The following MICALL1 variants were observed in gnomAD, a reference collection of about 807,000 sequenced individuals.
The protein encoded by MICALL1 is MICAL like 1.
In MICALL1, 61 loss-of-function variants were observed where a neutral mutation model predicts 83.7. The observed-to-expected ratio is 0.73, with a 90% CI of 0.59 to 0.90. The LOEUF is 0.90. Among genes scored for constraint, MICALL1 ranks in the 40% least tolerant of loss-of-function variants. MICALL1 has a pLI of 0.00. For missense variants in MICALL1, 1,066 were observed against 1,152.0 expected (o/e 0.93, Z 1.08); for synonymous variants, 481 against 473.6 (o/e 1.02, Z -0.20).
chr22:37,929,714 C>G (rs1409365739), intron 9 of MICALL1, among the ~76,000 whole-genome samples: 1 of 152,240 alleles, frequency 6.6e-6, no homozygotes, highest in Non-Finnish European at 1.5e-5. Context: ...GTACTTTCCT[C>G]TGGGCACCCA....
intron 3 of MICALL1, among the ~76,000 whole-genome samples, chr22:37,912,818 C>T (rs572832049): frequency 2.7e-4 from 41 of 151,912 alleles, no homozygotes; most frequent in Non-Finnish European, 4.7e-4. Flanking sequence ...CCCGGCACCA[C>T]GCCCGGCTAA....
At position 37,927,907 on chromosome 22, in the gene MICALL1, G is replaced by A. The variant is rs529492776; in HGVS notation, c.1881+81G>A. ...TGGTCTCAGGGCAGAAATGTCCAGG[G>A]CCTTTTCTTAATTTTTTTGAGATGG... On this transcript the variant is annotated intron_variant, in intron 9 of 15. Transcript: ENST00000215957. 18 of 1,435,544 alleles carry A rather than the reference G, an allele frequency of 1.3e-5. No homozygotes were observed. In the South Asian group the frequency reaches 2.2e-4, roughly 18 times the overall value. The allele number at this position is 1,435,544 out of a possible 1,614,324, so 88.9% of individuals were successfully genotyped here.
Position 37,932,444 on chromosome 22 carries a change from A to G in MICALL1, c.2017-109A>G, listed in dbSNP as rs1277797488. The G allele has an allele frequency of 1.3e-6, 2 of 1,495,656 alleles. No homozygotes were observed. Among genetic ancestry groups the G allele is most frequent in the East Asian group, 4.6e-5 (2 of 43,806 alleles). 92.6% of individuals were successfully genotyped at this position (1,495,656 alleles called of 1,614,324 possible). A position where few individuals can be genotyped will look rare whatever the true frequency, so the allele number is the denominator to read the frequency against. On this transcript the variant is annotated intron_variant, in intron 10 of 15. Transcript: ENST00000215957. The surrounding 1 kb of genome is among the most constrained non-coding windows in gnomAD (Gnocchi z 4.4). ...CCTTCTTACCATGCTGGGGTGGGGG[A>G]CAGGGCCCGGGCCCTGGAGCCACCA... is the stretch of plus-strand genomic sequence containing the variant.
intron 13 of MICALL1, among the ~76,000 whole-genome samples, chr22:37,935,088 C>G (rs576810826): frequency 7.0e-6 from 1 of 142,018 alleles, no homozygotes; most frequent in Admixed American, 7.1e-5. Flanking sequence ...ACCTGCCACC[C>G]CGCCCGGCTA....
In MICALL1 at chr22:37,906,508, G is replaced by C; in HGVS notation, c.86G>C (p.Ser29Thr). 5.6e-6 allele frequency: 7 copies of C among 1,255,286 alleles called. No individual in the cohort carries two copies. In the South Asian group the frequency reaches 1.0e-4, roughly 18 times the overall value. The allele number at this position is 1,255,286 out of a possible 1,614,324, so 77.8% of individuals were successfully genotyped here. The part of the protein sequence containing the change: ...YRGVEIRDLS[S>T]SFRDGLAFCA... ...GGCGTGGAGATCCGCGACCTGAGCA[G>C]CTCCTTCCGGGACGGCCTGGCCTTC... The change falls in exon 1 of 16, where the codon AGC becomes ACC. Residue 29 changes from serine to threonine, a missense_variant. Physicochemically the swap from Ser to Thr is moderately conservative, Grantham distance 58. Coordinates refer to ENST00000215957, the MANE Select transcript of MICALL1 (RefSeq NM_033386.4). This position sits in a 1 kb window ranked among gnomAD's most constrained non-coding sequence, Gnocchi z 4.4.
intron 1 of MICALL1, among the ~76,000 whole-genome samples, chr22:37,909,049 T>A (rs920663799): frequency 2.0e-5 from 3 of 150,244 alleles, no homozygotes; most frequent in Non-Finnish European, 4.4e-5. Context: ...CATGCAGGGT[T>A]TTTTTTGTTT....
intron 6 of MICALL1, among the ~76,000 whole-genome samples, chr22:37,923,940 G>C (rs1024953946): frequency 6.6e-6 from 1 of 152,154 alleles, no homozygotes; most frequent in Non-Finnish European, 1.5e-5. Context: ...GGCCCATTCT[G>C]TGGGTGCATT....
intron 3 of MICALL1, among the ~76,000 whole-genome samples, chr22:37,917,196 C>T (rs561120658): frequency 1.3e-5 from 2 of 152,162 alleles, no homozygotes; most frequent in South Asian, 2.1e-4. Flanking sequence ...TTAGAGGAAC[C>T]CAGGGTGGGT....
Position 37,932,803 on chromosome 22 carries a change from C to G in MICALL1, c.2149C>G (p.Arg717Gly). The change falls in exon 12 of 16, where the codon CGT becomes GGT. Residue 717 changes from arginine (R) to glycine (G), a missense_variant. Physicochemically the swap from Arg to Gly is moderately radical, Grantham distance 125. Transcript: ENST00000215957. The surrounding 1 kb of genome is among the most constrained non-coding windows in gnomAD (Gnocchi z 4.4). ...EKLRGGLNEG[R>G]EDDMLVDWFK... ...AGTGGGTATCTGGCTTCCAGAGGGC[C>G]GTGAGGATGACATGCTGGTGGACTG... The G allele has an allele frequency of 1.2e-6, 2 of 1,614,028 alleles. No individual in the cohort carries two copies. Among genetic ancestry groups the G allele is most frequent in the Non-Finnish European group, 1.7e-6 (2 of 1,179,992 alleles).
At chr22:37,911,653 T>C (rs1248421996) in intron 1 of MICALL1, among the ~76,000 whole-genome samples, 1 of 152,218 alleles carries the variant, frequency 6.6e-6, no homozygotes, top group Non-Finnish European at 1.5e-5. Context: ...GATCTTAAGC[T>C]TGAAAGCCTG....
At chr22:37,931,994 C>T in intron 10 of MICALL1, 61 bp downstream of exon 10, 1 of 1,581,848 alleles carries the variant, frequency 6.3e-7, no homozygotes, top group East Asian at 2.2e-5. Flanking sequence ...CACTCTGCAG[C>T]TGCAGTCTTC....
At position 37,924,255 on chromosome 22, in the gene MICALL1, A is replaced by G. The variant is rs1929276927; in HGVS notation, c.1025-405A>G. Reference sequence around the variant, plus strand: ...TGAGGTGGAGACAGGCACAGATGCAAGGGTTTCAGTGGATTGTGGAAGTCT... The same window carrying G: ...TGAGGTGGAGACAGGCACAGATGCAGGGGTTTCAGTGGATTGTGGAAGTCT... On this transcript the variant is annotated intron_variant, in intron 6 of 15. Transcript: ENST00000215957. The surrounding 1 kb of genome is among the most constrained non-coding windows in gnomAD (Gnocchi z 5.2). Among the ~76,000 whole-genome samples, 1 of 152,102 alleles carries G rather than the reference A, an allele frequency of 6.6e-6. No homozygotes were observed. Among genetic ancestry groups the G allele is most frequent in the Non-Finnish European group, 1.5e-5 (1 of 68,008 alleles).
intron 3 of MICALL1, among the ~76,000 whole-genome samples, chr22:37,916,397 CA>C (rs1286468961): frequency 6.6e-6 from 1 of 152,170 alleles, no homozygotes; most frequent in Non-Finnish European, 1.5e-5. Flanking sequence ...CCCCTAAATG[CA>C]AACCATTTTT....
chr22:37,934,160 C>T (rs1174984149), intron 13 of MICALL1, among the ~76,000 whole-genome samples: 3 of 152,238 alleles, frequency 2.0e-5, no homozygotes, highest in African/African-American at 7.2e-5. Flanking sequence ...GTGGCTTTTC[C>T]AGCCCCCGTG....
Position 37,937,666 on chromosome 22 carries a change from C to T in MICALL1, c.2424-80C>T, listed in dbSNP as rs2145957029. On this transcript the variant is annotated intron_variant, in intron 14 of 15. Coordinates refer to ENST00000215957, the MANE Select transcript of MICALL1 (RefSeq NM_033386.4). ...CTCGAACTCCTGACTTCAGGTGATC[C>T]ACCCACCTTGGCCTCCCAAAGTGCT... 3 of 1,458,762 alleles carry T rather than the reference C, an allele frequency of 2.1e-6. No homozygotes were observed. In the South Asian group the frequency reaches 3.5e-5, roughly 17 times the overall value. 90.4% of individuals were successfully genotyped at this position (1,458,762 alleles called of 1,614,324 possible). A position where few individuals can be genotyped will look rare whatever the true frequency, so the allele number is the denominator to read the frequency against.
intron 15 of MICALL1, 67 bp from the exon 16 acceptor site, chr22:37,940,642 G>T: frequency 6.3e-7 from 1 of 1,589,030 alleles, no homozygotes; most frequent in South Asian, 1.1e-5. Context: ...TGTGTCACTG[G>T]GTCTAGCCTG....
intron 14 of MICALL1, 55 bp downstream of exon 14, chr22:37,937,249 C>G: frequency 2.9e-6 from 4 of 1,384,578 alleles, no homozygotes; most frequent in East Asian, 2.5e-5. Context: ...AGGTCAGGCT[C>G]TGGGCCTCAT....
intron 1 of MICALL1, among the ~76,000 whole-genome samples, chr22:37,911,360 C>A (rs1928311682): frequency 6.6e-6 from 1 of 152,178 alleles, no homozygotes; most frequent in African/African-American, 2.4e-5. Flanking sequence ...GGTTGGGATG[C>A]AGCAAGTTGG....
In MICALL1 at chr22:37,922,435, GGT is replaced by G; in HGVS notation, c.1024+11_1024+12del. On this transcript the variant is annotated intron_variant, in intron 6 of 15. Coordinates refer to ENST00000215957, the MANE Select transcript of MICALL1 (RefSeq NM_033386.4). ...CAGCAGCCTGGTGAACGGTGAGCAG[GGT>G]GCAGTCAGGGCAGGGGGCACCGGGT... 6.6e-7 allele frequency: 1 copy of G among 1,506,606 alleles called. No individual in the cohort carries two copies. Among genetic ancestry groups the G allele is most frequent in the African/African-American group, 1.4e-5 (1 of 72,176 alleles). The allele number at this position is 1,506,606 out of a possible 1,614,324, so 93.3% of individuals were successfully genotyped here.
Sources: allele counts gnomAD v4.1 joint callset (sites outside exome capture counted in the v4.1 genomes callset), GRCh38; gene constraint gnomAD v4.1.1; non-coding constraint Gnocchi (gnomAD v3.1); transcripts MANE v1.5; gene names NCBI Gene and HGNC (gene_info 2026-07-23, HGNC 2026-07-21).